CACNA1I: variants seen among roughly 807,000 people sequenced by gnomAD.
CACNA1I encodes the protein calcium voltage-gated channel subunit alpha1 I, also known as voltage-dependent T-type calcium channel subunit alpha-1I.
CACNA1I carries 74 observed loss-of-function variants against 201.6 expected under a neutral mutation model. The ratio of observed to expected loss-of-function variants is 0.37; its 90% CI spans 0.30 to 0.45. The LOEUF (loss-of-function observed/expected upper bound fraction) is 0.45, where lower values mean the gene tolerates loss of function less well. Among genes scored for constraint, CACNA1I ranks in the 20% least tolerant of loss-of-function variants. The pLI, the probability that CACNA1I is intolerant of heterozygous loss-of-function variation, is 1.00. For missense variants in CACNA1I, 2,346 were observed against 3,138.1 expected, an observed-to-expected ratio of 0.75 and a Z score of 6.03; for synonymous variants, 1,431 against 1,345.2, an observed-to-expected ratio of 1.06 and a Z score of -1.40.
Position 39,686,044 on chromosome 22 carries a change from AC to A in CACNA1I, c.6315del (p.Ser2106ArgfsTer166). 1 of 1,231,956 alleles carries A rather than the reference AC, an allele frequency of 8.1e-7. No individual in the cohort carries two copies. The highest frequency in any genetic ancestry group is 4.3e-5 in the Admixed American group (1 of 23,094). The allele number at this position is 1,231,956 out of a possible 1,614,324, so 76.3% of individuals were successfully genotyped here. A position where few individuals can be genotyped will look rare whatever the true frequency, so the allele number is the denominator to read the frequency against. On this transcript the variant is annotated frameshift_variant, in exon 37 of 37. Coordinates refer to ENST00000402142, the MANE Select transcript of CACNA1I (RefSeq NM_021096.4). LOFTEE classifies it low-confidence loss of function (END_TRUNC). Reference protein sequence around the residue: ...SPGCTHHDSMDPSDEEGRGGA... With the variant: ...SPGCTHHDSMXPSDEEGRGGA... Reference sequence around the variant, plus strand: ...GGCTGCACCCACCACGACTCCATGGACCCCTCGGACGAGGAGGGCCGCGGTG... The same window carrying A: ...GGCTGCACCCACCACGACTCCATGGACCCTCGGACGAGGAGGGCCGCGGTG...
At chr22:39,645,714 G>A (rs546474328) in intron 7 of CACNA1I, among the ~76,000 whole-genome samples, 3 of 152,312 alleles carry the variant, frequency 2.0e-5, no homozygotes, top group African/African-American at 4.8e-5. Flanking sequence ...CAGGCTGGCC[G>A]GCAGCCAAGT....
intron 1 of CACNA1I, among the ~76,000 whole-genome samples, chr22:39,579,577 T>C (rs779523498): frequency 4.6e-5 from 7 of 151,768 alleles, no homozygotes; most frequent in Non-Finnish European, 8.8e-5. Context: ...CTTTTACTCA[T>C]GGTGGAAGGG....
chr22:39,592,707 T>A (rs1435556622), intron 1 of CACNA1I, among the ~76,000 whole-genome samples: 1 of 152,206 alleles, frequency 6.6e-6, no homozygotes, highest in Non-Finnish European at 1.5e-5. Context: ...GTGCTCCCCC[T>A]TGGGTCTCCA....
chr22:39,669,946 C>T, intron 24 of CACNA1I, 92 bp from the exon 25 acceptor site: 1 of 1,437,722 alleles, frequency 7.0e-7, no homozygotes, highest in African/African-American at 1.4e-5. Flanking sequence ...TCAACACATG[C>T]CCACTCCATG....
chr22:39,636,090 G>A (rs1408272662), intron 5 of CACNA1I, among the ~76,000 whole-genome samples: 1 of 152,208 alleles, frequency 6.6e-6, no homozygotes, highest in Admixed American at 6.5e-5. Context: ...ATTGTTGAAG[G>A]AATAAGTGAG....
At position 39,646,607 on chromosome 22, in the gene CACNA1I, C is replaced by T; in HGVS notation, c.1188C>T (p.Val396=). The change falls in exon 8 of 37, where the codon GTC becomes GTT. Residue 396 remains valine, a synonymous_variant. Coordinates refer to ENST00000402142, the MANE Select transcript of CACNA1I (RefSeq NM_021096.4). ...TCATGATCAACCTGTGCCTCGTTGTCATAGCGACCCAGTTCTCGGAGACCA... is the reference window on the plus strand; with the variant it reads ...TCATGATCAACCTGTGCCTCGTTGTTATAGCGACCCAGTTCTCGGAGACCA... ...SFFMINLCLV[V]IATQFSETKQ... is the part of the protein sequence containing the mutation. 1 of 1,569,778 alleles carries T rather than the reference C, an allele frequency of 6.4e-7. No individual in the cohort carries two copies. Among genetic ancestry groups the T allele is most frequent in the Non-Finnish European group, 8.6e-7 (1 of 1,157,614 alleles).
chr22:39,579,288 G>A (rs775781684), intron 1 of CACNA1I, among the ~76,000 whole-genome samples: 29 of 152,206 alleles, frequency 1.9e-4, no homozygotes, highest in Non-Finnish European at 3.2e-4. Context: ...CCATGGCTGG[G>A]GAGACTGAGG....
At chr22:39,580,128 A>G (rs132571) in intron 1 of CACNA1I, among the ~76,000 whole-genome samples, 2 of 151,540 alleles carry the variant, frequency 1.3e-5, no homozygotes, top group African/African-American at 4.8e-5. Context: ...GGAGACACAC[A>G]TCAAAGCCAT....
At chr22:39,653,404 C>T (rs1934711091) in intron 10 of CACNA1I, among the ~76,000 whole-genome samples, 2 of 152,204 alleles carry the variant, frequency 1.3e-5, no homozygotes, top group South Asian at 4.1e-4. Flanking sequence ...ATTTTTGCTC[C>T]GCTCGCTCGG....
At position 39,662,444 on chromosome 22, in the gene CACNA1I, G is replaced by C. The variant is rs1935055393; in HGVS notation, c.3372+9G>C. 4.9e-6 allele frequency: 7 copies of C among 1,424,068 alleles called. No individual in the cohort carries two copies. The highest frequency in any genetic ancestry group is 5.5e-6 in the Non-Finnish European group (6 of 1,095,134). The allele number at this position is 1,424,068 out of a possible 1,614,324, so 88.2% of individuals were successfully genotyped here. On this transcript the variant is annotated intron_variant, in intron 17 of 36. Transcript: ENST00000402142. Reference sequence around the variant, plus strand: ...AGGAGGAAATCGACTACGTGAGTGGGGGCGGGGCCGAAGGGGACCTGGTGC... The same window carrying C: ...AGGAGGAAATCGACTACGTGAGTGGCGGCGGGGCCGAAGGGGACCTGGTGC...
chr22:39,580,842 G>A (rs963943786), intron 1 of CACNA1I, among the ~76,000 whole-genome samples: 1 of 152,206 alleles, frequency 6.6e-6, no homozygotes, highest in Non-Finnish European at 1.5e-5. Context: ...CCCTACAATG[G>A]ATACCGATGG....
intron 15 of CACNA1I, 58 bp downstream of exon 15, chr22:39,660,495 T>A: frequency 7.9e-7 from 1 of 1,259,102 alleles, no homozygotes; most frequent in Non-Finnish European, 1.1e-6. Flanking sequence ...CAGATCCAGG[T>A]GGGCAGAGGG....
At chr22:39,609,758 AAG>A (rs1933330833) in intron 3 of CACNA1I, among the ~76,000 whole-genome samples, 1 of 152,234 alleles carries the variant, frequency 6.6e-6, no homozygotes, top group Non-Finnish European at 1.5e-5. Flanking sequence ...GCAAGATCAC[AAG>A]AGAGAGAACG....
chr22:39,594,596 C>T (rs1181338497), intron 1 of CACNA1I, among the ~76,000 whole-genome samples: 1 of 151,772 alleles, frequency 6.6e-6, no homozygotes, highest in East Asian at 1.9e-4. Flanking sequence ...CACGAGTAGG[C>T]AGCATCCCAA....
In CACNA1I at chr22:39,686,531, C is replaced by CCCGACAG; in HGVS notation, c.*130_*136dup. ...GCGCAGGGCCCGCAGGGCACAGGCGCCCGACAGCCGGGCTGAGCGGAGTCT... is the reference window on the plus strand; with the variant it reads ...GCGCAGGGCCCGCAGGGCACAGGCGCCCGACAGCCGACAGCCGGGCTGAGCGGAGTCT... On this transcript the variant is annotated 3_prime_UTR_variant, in exon 37 of 37. Coordinates refer to ENST00000402142, the MANE Select transcript of CACNA1I (RefSeq NM_021096.4). 1.4e-6 allele frequency: 1 copy of CCCGACAG among 727,438 alleles called. No homozygotes were observed. Among genetic ancestry groups the CCCGACAG allele is most frequent in the African/African-American group, 1.9e-5 (1 of 53,778 alleles). 45.1% of individuals were successfully genotyped at this position (727,438 alleles called of 1,614,324 possible).
At chr22:39,605,375 C>A (rs905535828) in intron 3 of CACNA1I, among the ~76,000 whole-genome samples, 1 of 152,154 alleles carries the variant, frequency 6.6e-6, no homozygotes, top group African/African-American at 2.4e-5. Flanking sequence ...CCTCACCAGG[C>A]GGCTGGTCTC....
rs1335990711 is a variant in CACNA1I, at chr22:39,649,062, C to T, written c.1568-439C>T. Among the ~76,000 whole-genome samples the T allele has an allele frequency of 6.6e-6, 1 of 152,184 alleles. No homozygotes were observed. The highest frequency in any genetic ancestry group is 1.9e-4 in the East Asian group (1 of 5,190). On this transcript the variant is annotated intron_variant, in intron 9 of 36. Coordinates refer to ENST00000402142, the MANE Select transcript of CACNA1I (RefSeq NM_021096.4). This position sits in a 1 kb window ranked among gnomAD's most constrained non-coding sequence, Gnocchi z 7.3. The stretch of plus-strand genomic sequence containing the variant: ...GTATAGGCAGGAGACTTGAGAACAC[C>T]AAGTCCACCATGGCCTTCTCTGACG...
intron 3 of CACNA1I, among the ~76,000 whole-genome samples, chr22:39,618,808 C>T (rs1333261413): frequency 1.3e-5 from 2 of 152,084 alleles, no homozygotes; most frequent in African/African-American, 4.8e-5. Context: ...GTGCTTCCAC[C>T]GTGAAGGGAC....
intron 4 of CACNA1I, among the ~76,000 whole-genome samples, chr22:39,632,532 C>T (rs1934093714): frequency 6.7e-6 from 1 of 149,664 alleles, no homozygotes; most frequent in African/African-American, 2.4e-5. Context: ...TCCTTTGGCT[C>T]AACACTTGGT....
Sources: gnomAD v4.1 joint callset for allele counts (sites outside exome capture counted in the v4.1 genomes callset) on GRCh38, gnomAD v4.1.1 for gene constraint, Gnocchi (gnomAD v3.1) non-coding constraint, MANE v1.5 for transcripts, NCBI Gene and HGNC (gene_info 2026-07-23, HGNC 2026-07-21) for gene names.